The following TRAPPC11 variants were observed in gnomAD, a reference collection of about 807,000 sequenced individuals.
TRAPPC11 encodes the protein trafficking protein particle complex subunit 11, also known as foie gras homolog.
A neutral mutation model predicts 151.2 loss-of-function variants in TRAPPC11; 104 were observed. The observed-to-expected ratio is 0.69, with a 90% CI of 0.59 to 0.81. TRAPPC11 has a LOEUF of 0.81. TRAPPC11 is among the 30% of genes least tolerant of loss of function. The probability of loss-of-function intolerance (pLI) is 0.00; values close to 1 mark genes in which losing one functional copy is unlikely to be tolerated. For missense variants in TRAPPC11, 1,230 were observed against 1,349.6 expected (o/e 0.91, Z 1.39); for synonymous variants, 456 against 472.3 (o/e 0.97, Z 0.45).
chr4:183,666,319 T>C lies in TRAPPC11; in HGVS notation c.267T>C (p.His89=). The C allele has an allele frequency of 6.2e-7, 1 of 1,614,188 alleles. No individual in the cohort carries two copies. ...GILKTGWMNK[H]LNLVPALVVV... ...TAAAGACTGGCTGGATGAATAAGCA[T>C]CTGAATCTGGTGCCAGCCCTGGTGG... The change falls in exon 3 of 30, where the codon CAT becomes CAC. Residue 89 remains histidine, a synonymous_variant. Transcript: ENST00000334690.
intron 27 of TRAPPC11, 61 bp from the exon 28 acceptor site, chr4:183,706,746 C>T (rs948008513): frequency 2.5e-5 from 39 of 1,549,268 alleles, no homozygotes; most frequent in Middle Eastern, 3.8e-4. Flanking sequence ...ATTTACAAAA[C>T]GAAGCCATAA....
chr4:183,669,792 C>G (rs758517371), intron 5 of TRAPPC11, among the ~76,000 whole-genome samples: 4 of 152,154 alleles, frequency 2.6e-5, no homozygotes, highest in Admixed American at 2.0e-4. Flanking sequence ...GCTTGAGAAC[C>G]CTACCTTAAC....
chr4:183,674,725 CT>C lies in TRAPPC11; in HGVS notation c.577del (p.Tyr193MetfsTer15). 2 of 1,539,630 alleles carry C rather than the reference CT, an allele frequency of 1.3e-6. No homozygotes were observed. The highest frequency in any genetic ancestry group is 8.7e-7 in the Non-Finnish European group (1 of 1,146,408). ...VGYIIRLENA[F>X]YEHAQTYYYT... ...TTGTTTTTTACAGATTGGAAAATGC[CT>C]TTTATGAACATGCACAGACTTATTA... is the stretch of plus-strand genomic sequence containing the variant. On this transcript the variant is annotated frameshift_variant, in exon 6 of 30. Transcript: ENST00000334690. LOFTEE classifies it high-confidence loss of function.
chr4:183,704,219 C>A (rs1340218713), intron 26 of TRAPPC11, among the ~76,000 whole-genome samples: 1 of 152,148 alleles, frequency 6.6e-6, no homozygotes, highest in East Asian at 1.9e-4. Flanking sequence ...CAAAATATTT[C>A]CATTAATAAT....
Position 183,701,795 on chromosome 4 carries a change from A to G in TRAPPC11, c.2950A>G (p.Ile984Val), listed in dbSNP as rs1736813959. ...TGGAGTAGCAACCGGGCATTATATT[A>G]TCTCTTGGAAAAGGTAAGAATTATG... The part of the protein sequence containing the change: ...EGGVATGHYI[I>V]SWKRTSAMEN... The change falls in exon 26 of 30, where the codon ATC becomes GTC. Residue 984 changes from isoleucine (I) to valine (V), a missense_variant. By Grantham distance (29) the Ile-to-Val change is conservative (BLOSUM62 3). Transcript: ENST00000334690. 1 of 1,609,400 alleles carries G rather than the reference A, an allele frequency of 6.2e-7. No individual in the cohort carries two copies. Among genetic ancestry groups the G allele is most frequent in the Non-Finnish European group, 8.5e-7 (1 of 1,175,706 alleles).
In TRAPPC11 at chr4:183,708,499, C is replaced by T. The variant is rs1156456843; in HGVS notation, c.3282C>T (p.Asn1094=). 6.2e-7 allele frequency: 1 copy of T among 1,614,108 alleles called. No individual in the cohort carries two copies. The highest frequency in any genetic ancestry group is 8.5e-7 in the Non-Finnish European group (1 of 1,179,972). The change falls in exon 29 of 30, where the codon AAC becomes AAT. Residue 1094 remains asparagine (N), a synonymous_variant. Transcript: ENST00000334690. ...GATACCAGCAGCTGCCATCTCTCAA[C>T]ATCAACTTGCTTAGATTTCCTAACT... ...MAGYQQLPSL[N]INLLRFPNFT... is the part of the protein sequence containing the mutation.
intron 3 of TRAPPC11, among the ~76,000 whole-genome samples, chr4:183,666,704 A>G (rs976295449): frequency 1.2e-4 from 19 of 152,246 alleles, no homozygotes; most frequent in African/African-American, 4.3e-4. Flanking sequence ...TTAGTCTCTT[A>G]AAACGCTTTG....
At chr4:183,683,783 C>G (rs1735819966) in intron 11 of TRAPPC11, 192 bp from the exon 12 acceptor site, 1 of 585,064 alleles carries the variant, frequency 1.7e-6, no homozygotes, top group African/African-American at 1.9e-5. Context: ...CAATAATGTT[C>G]CCATCAGAAC....
rs1223032473 is a variant in TRAPPC11 at position 183,663,987 on chromosome 4, C to T, written c.120C>T (p.Phe40=). The T allele has an allele frequency of 1.9e-6, 3 of 1,614,112 alleles. No individual in the cohort carries two copies. Among genetic ancestry groups the T allele is most frequent in the East Asian group, 2.2e-5 (1 of 44,868 alleles). Reference sequence around the variant, plus strand: ...TCCATCGAGCTGTCTGGGACGCCTTCTGTGCAAATCGGAGAGCTGATCGAG... The same window carrying T: ...TCCATCGAGCTGTCTGGGACGCCTTTTGTGCAAATCGGAGAGCTGATCGAG... ...NAVHRAVWDA[F]CANRRADRVP... The change falls in exon 2 of 30, where the codon TTC becomes TTT. Residue 40 remains phenylalanine, a synonymous_variant. Transcript: ENST00000334690.
intron 19 of TRAPPC11, among the ~76,000 whole-genome samples, chr4:183,692,030 G>C (rs1736285049): frequency 6.6e-6 from 1 of 152,054 alleles, no homozygotes; most frequent in Non-Finnish European, 1.5e-5. Flanking sequence ...AAACTGTATG[G>C]GTTTAAATTA....
intron 27 of TRAPPC11, 91 bp from the exon 28 acceptor site, chr4:183,706,716 A>G (rs924170148): frequency 1.7e-5 from 23 of 1,370,040 alleles, no homozygotes; most frequent in African/African-American, 7.2e-5. Context: ...AAATGATACT[A>G]TGTCCACAGA....
rs775847612 is a variant in TRAPPC11, at chr4:183,674,847, G to A, written c.660+35G>A. ...TTTTTGCAATAATAGAAGCATTCTG[G>A]AGCGGATTATTATTATTTTTGAGGT... On this transcript the variant is annotated intron_variant, in intron 6 of 29. Coordinates refer to ENST00000334690, the MANE Select transcript of TRAPPC11 (RefSeq NM_021942.6). The A allele has an allele frequency of 2.4e-6, 3 of 1,245,728 alleles. No individual in the cohort carries two copies. In the South Asian group the frequency reaches 4.0e-5, roughly 16 times the overall value. The allele number at this position is 1,245,728 out of a possible 1,614,324, so 77.2% of individuals were successfully genotyped here. A position where few individuals can be genotyped will look rare whatever the true frequency, so the allele number is the denominator to read the frequency against.
rs551857108 is a variant in TRAPPC11 at position 183,661,964 on chromosome 4, T to C, written c.-21-1883T>C. On this transcript the variant is annotated intron_variant, in intron 1 of 29. Transcript: ENST00000334690. ...ATTTCTTTTAGAGACAGGATCTCAC[T>C]ATGTTTCCCAGGCCAGTCTTGAACT... Among the ~76,000 whole-genome samples, 5 of 152,044 alleles carry C rather than the reference T, an allele frequency of 3.3e-5. No homozygotes were observed. The South Asian group carries it at 1.0e-3, about 32-fold the overall frequency.
intron 19 of TRAPPC11, 33 bp downstream of exon 19, chr4:183,691,504 A>T: frequency 7.7e-7 from 1 of 1,294,542 alleles, no homozygotes; most frequent in Non-Finnish European, 1.0e-6. Context: ...AAATATTTTT[A>T]ATAATAAAAG....
rs373372697 is a variant in TRAPPC11 at position 183,684,333 on chromosome 4, C to T, written c.1395C>T (p.Tyr465=). The change falls in exon 14 of 30, where the codon TAC becomes TAT. Residue 465 remains tyrosine (Y), a synonymous_variant. Transcript: ENST00000334690. ...TTCAGATGGGAGAGGAATATTATTA[C>T]GCAAAGGATTATACCAAAGCTTTGA... ...LMVQMGEEYY[Y]AKDYTKALKL... 3.7e-5 allele frequency: 59 copies of T among 1,613,410 alleles called. No homozygotes were observed. The African/African-American group carries it at 3.9e-4, about 11-fold the overall frequency.
intron 2 of TRAPPC11, among the ~76,000 whole-genome samples, chr4:183,664,497 G>A (rs1183646535): frequency 6.6e-6 from 1 of 152,094 alleles, no homozygotes; most frequent in Non-Finnish European, 1.5e-5. Context: ...CTAGTGATAC[G>A]AATTTAAGTG....
intron 8 of TRAPPC11, among the ~76,000 whole-genome samples, 174 bp from the exon 9 acceptor site, chr4:183,679,179 C>CT (rs1735553144): frequency 6.6e-6 from 1 of 152,114 alleles, no homozygotes; most frequent in South Asian, 2.1e-4. Context: ...GATATATAAC[C>CT]TTTGGTTTTA....
intron 2 of TRAPPC11, among the ~76,000 whole-genome samples, chr4:183,665,285 G>A (rs12054479): frequency 0.97 from 146,819 of 151,624 alleles, 71,203 homozygotes; most frequent in Non-Finnish European, 1. Flanking sequence ...TAGTAGAGAC[G>A]GGGTTTCACC....
chr4:183,663,320 A>C (rs1021360099), intron 1 of TRAPPC11, among the ~76,000 whole-genome samples: 1 of 151,530 alleles, frequency 6.6e-6, no homozygotes, highest in Admixed American at 6.6e-5. Flanking sequence ...TGCAACCTCC[A>C]CCTCCCGGGT....
Sources: gnomAD v4.1 joint callset for allele counts (sites outside exome capture counted in the v4.1 genomes callset) on GRCh38, gnomAD v4.1.1 for gene constraint, MANE v1.5 for transcripts, NCBI Gene and HGNC (gene_info 2026-07-23, HGNC 2026-07-21) for gene names.